Variants in TMEM117 observed in about 807,000 individuals in gnomAD.
TMEM117 encodes transmembrane protein 117.
A neutral mutation model predicts 52.4 loss-of-function variants in TMEM117; 27 were observed. That is an observed-to-expected ratio of 0.51 (90% CI 0.38 to 0.71). TMEM117 has a LOEUF of 0.71. Among genes scored for constraint, TMEM117 ranks in the 30% least tolerant of loss-of-function variants. The probability of loss-of-function intolerance (pLI) is 0.00; values close to 1 mark genes in which losing one functional copy is unlikely to be tolerated. For missense variants in TMEM117, 556 were observed against 630.5 expected (o/e 0.88, Z 1.26); for synonymous variants, 215 against 206.3 (o/e 1.04, Z -0.36).
At chr12:44,299,439 T>C (rs1950810619) in intron 5 of TMEM117, 141 bp from the exon 6 acceptor site, 3 of 1,162,546 alleles carry the variant, frequency 2.6e-6, no homozygotes, top group Non-Finnish European at 3.5e-6. Flanking sequence ...GGCCAACTTT[T>C]TTCATCTTCC....
the TMEM117 span, among the ~76,000 whole-genome samples, chr12:43,822,227 C>A: frequency 6.6e-6 from 1 of 152,192 alleles, no homozygotes; most frequent in South Asian, 2.1e-4. Context: ...TTAACTCTTG[C>A]GTGAGCCCAG....
chr12:44,205,712 G>A lies in TMEM117; in HGVS notation c.511-5578G>A, dbSNP rs928613293. On this transcript the variant is annotated intron_variant, in intron 4 of 7. Coordinates refer to ENST00000266534, the MANE Select transcript of TMEM117 (RefSeq NM_032256.3). ...AGAAATGCAAATCAAACCACAATAA[G>A]ATACCATCTCACACTAGTTAGAATG... 2.0e-5 allele frequency among the ~76,000 whole-genome samples: 3 copies of A among 151,982 alleles called. No individual in the cohort carries two copies. In the East Asian group the frequency reaches 5.8e-4, roughly 29 times the overall value.
chr12:44,107,912 G>C (rs984809895), intron 3 of TMEM117, among the ~76,000 whole-genome samples: 1 of 152,162 alleles, frequency 6.6e-6, no homozygotes, highest in African/African-American at 2.4e-5. Flanking sequence ...GTCCTGCACT[G>C]AACCAATTGA....
intron 3 of TMEM117, among the ~76,000 whole-genome samples, chr12:44,059,301 G>A (rs1332629260): frequency 1.3e-5 from 2 of 152,220 alleles, no homozygotes; most frequent in Non-Finnish European, 1.5e-5. Flanking sequence ...AGAGGTACCC[G>A]CTTTCTTGTC....
At chr12:44,373,713 C>G (rs1951896982) in intron 6 of TMEM117, among the ~76,000 whole-genome samples, 1 of 150,374 alleles carries the variant, frequency 6.7e-6, no homozygotes, top group Non-Finnish European at 1.5e-5. Context: ...TCCCAAATCT[C>G]TCTGCTTTCT....
chr12:43,851,109 C>T (rs1037231023), intron 2 of TMEM117, among the ~76,000 whole-genome samples: 6 of 151,930 alleles, frequency 3.9e-5, no homozygotes, highest in Non-Finnish European at 7.4e-5. Context: ...GTAAGTCTTC[C>T]TTCATTTATT....
At chr12:43,960,644 A>C (rs1245975211) in intron 3 of TMEM117, among the ~76,000 whole-genome samples, 1 of 152,106 alleles carries the variant, frequency 6.6e-6, no homozygotes, top group East Asian at 1.9e-4. Context: ...TGTGATCGTT[A>C]TTCATGGTTG....
chr12:44,190,397 T>C (rs1949335441), intron 4 of TMEM117, among the ~76,000 whole-genome samples: 1 of 152,016 alleles, frequency 6.6e-6, no homozygotes, highest in African/African-American at 2.4e-5. Flanking sequence ...AAATACAGAG[T>C]TCTGGGTTCT....
At chr12:44,135,546 G>C (rs984625111) in intron 3 of TMEM117, among the ~76,000 whole-genome samples, 1 of 152,120 alleles carries the variant, frequency 6.6e-6, no homozygotes, top group Non-Finnish European at 1.5e-5. Context: ...CAGGAATATG[G>C]AGTAAATCAT....
intron 3 of TMEM117, among the ~76,000 whole-genome samples, chr12:44,013,740 C>T (rs142508079): frequency 6.6e-5 from 10 of 152,120 alleles, no homozygotes; most frequent in African/African-American, 2.4e-4. Context: ...TTATGTACCT[C>T]AGCATTGGTT....
chr12:44,143,239 G>A (rs1034265013), intron 3 of TMEM117, among the ~76,000 whole-genome samples: 1 of 152,210 alleles, frequency 6.6e-6, no homozygotes, highest in African/African-American at 2.4e-5. Context: ...CCTTTGCTGA[G>A]TATTTCTGTT....
chr12:44,287,242 A>G (rs980420539), intron 5 of TMEM117, among the ~76,000 whole-genome samples: 6 of 152,168 alleles, frequency 3.9e-5, no homozygotes, highest in African/African-American at 1.4e-4. Flanking sequence ...GATTCCAACC[A>G]CTCAAGCTGA....
chr12:44,150,316 G>T (rs1231516870), intron 4 of TMEM117, among the ~76,000 whole-genome samples: 1 of 152,168 alleles, frequency 6.6e-6, no homozygotes, highest in Non-Finnish European at 1.5e-5. Context: ...GAGAGAAACA[G>T]GAGAGAGAAA....
chr12:44,002,967 G>A (rs1946138918), intron 3 of TMEM117, among the ~76,000 whole-genome samples: 1 of 152,150 alleles, frequency 6.6e-6, no homozygotes, highest in Admixed American at 6.5e-5. Context: ...AAGGAATAAA[G>A]AGGAGGTAGC....
intron 3 of TMEM117, among the ~76,000 whole-genome samples, chr12:44,025,510 AAAAC>A (rs1228043382): frequency 1.3e-5 from 2 of 152,222 alleles, no homozygotes; most frequent in African/African-American, 2.4e-5. Context: ...TAAAGATAGA[AAAAC>A]AAGAATGTAG....
At chr12:43,835,943 C>T (rs1267642254), upstream of TMEM117, 1 of 151,632 alleles carries the variant, frequency 6.6e-6, no homozygotes, top group African/African-American at 2.4e-5. Context: ...CCCTTGCGCT[C>T]GCGTTGCCCG....
the TMEM117 span, among the ~76,000 whole-genome samples, chr12:43,823,748 G>A: frequency 2.0e-5 from 3 of 151,850 alleles, no homozygotes; most frequent in East Asian, 1.9e-4. Flanking sequence ...TGTTGACCTC[G>A]TGATCCACCC....
intron 3 of TMEM117, among the ~76,000 whole-genome samples, chr12:43,949,382 G>C (rs756856553): frequency 6.6e-6 from 1 of 152,172 alleles, no homozygotes; most frequent in Non-Finnish European, 1.5e-5. Flanking sequence ...TGGACTGTTT[G>C]CATGCTCAGT....
chr12:44,328,067 A>G (rs1951220054), intron 6 of TMEM117, among the ~76,000 whole-genome samples: 1 of 152,182 alleles, frequency 6.6e-6, no homozygotes, highest in African/African-American at 2.4e-5. Context: ...TGTCAACCAA[A>G]TGTGGCTTGA....
Sources: allele counts gnomAD v4.1 joint callset (sites outside exome capture counted in the v4.1 genomes callset), GRCh38; gene constraint gnomAD v4.1.1; transcripts MANE v1.5; gene names NCBI Gene and HGNC (gene_info 2026-07-23, HGNC 2026-07-21).